BCL11B: variants seen among roughly 807,000 people sequenced by gnomAD.
The protein encoded by BCL11B is BCL11 transcription factor B.
In BCL11B, 8 loss-of-function variants were observed where a neutral mutation model predicts 49.9. The ratio of observed to expected loss-of-function variants is 0.16; its 90% confidence interval spans 0.09 to 0.29. The LOEUF is 0.29. BCL11B is among the 10% of genes least tolerant of loss of function. The pLI is 1.00. For synonymous variants in BCL11B, 739 were observed against 637.4 expected (o/e 1.16, Z -2.40); for missense variants, 1,006 against 1,351.0 (o/e 0.74, Z 4.00).
At position 99,192,633 on chromosome 14, in the gene BCL11B, A is replaced by G. The variant is rs940313174; in HGVS notation, c.641-16438T>C. Among the ~76,000 whole-genome samples the G allele has an allele frequency of 2.0e-5, 3 of 152,158 alleles. No individual in the cohort carries two copies. Among genetic ancestry groups the G allele is most frequent in the African/African-American group, 7.2e-5 (3 of 41,452 alleles). On this transcript the variant is annotated intron_variant, in intron 3 of 3. Transcript: ENST00000357195. The surrounding 1 kb of genome is among the most constrained non-coding windows in gnomAD (Gnocchi z 4.0). ...AGTTTGGATGGGAAGGGACATGGCA[A>G]CTTGGGAACCACACTGGGGCTGGGG...
chr14:99,192,127 C>G lies in BCL11B; in HGVS notation c.641-15932G>C, dbSNP rs1887049420. On this transcript the variant is annotated intron_variant, in intron 3 of 3. Transcript: ENST00000357195. The surrounding 1 kb of genome is among the most constrained non-coding windows in gnomAD (Gnocchi z 4.0). ...GATTCTTCTTAGTTGTAGAAACACTCCAAATCAGAAAGTCAATTTTTCCTC... is the reference window on the plus strand; with the variant it reads ...GATTCTTCTTAGTTGTAGAAACACTGCAAATCAGAAAGTCAATTTTTCCTC... 6.6e-6 allele frequency among the ~76,000 whole-genome samples: 1 copy of G among 152,190 alleles called. No individual in the cohort carries two copies. The highest frequency in any genetic ancestry group is 1.5e-5 in the Non-Finnish European group (1 of 68,038).
At chr14:99,236,576 G>C (rs1224603719) in intron 2 of BCL11B, among the ~76,000 whole-genome samples, 1 of 152,154 alleles carries the variant, frequency 6.6e-6, no homozygotes, top group Non-Finnish European at 1.5e-5. Flanking sequence ...TTCTAGGCTG[G>C]TCCAGAGGGA....
chr14:99,198,013 G>A (rs1013885384), intron 3 of BCL11B, among the ~76,000 whole-genome samples: 5 of 152,228 alleles, frequency 3.3e-5, no homozygotes, highest in African/African-American at 1.2e-4. Context: ...GACACGCGTG[G>A]GCTTAGTGTG....
At chr14:99,246,578 G>A (rs1323268551) in intron 2 of BCL11B, among the ~76,000 whole-genome samples, 1 of 152,226 alleles carries the variant, frequency 6.6e-6, no homozygotes, top group Non-Finnish European at 1.5e-5. Flanking sequence ...AAGTGTCCGC[G>A]CCGTGCCGGG....
Position 99,194,463 on chromosome 14 carries a change from C to T in BCL11B, c.641-18268G>A, listed in dbSNP as rs1309021208. ...TCTCGGCTTCTGCCCTGTGGGGCAC[C>T]CAGAACCCCATCCAGTGTTGCCCAT... On this transcript the variant is annotated intron_variant, in intron 3 of 3. Coordinates refer to ENST00000357195, the MANE Select transcript of BCL11B (RefSeq NM_138576.4). This position sits in a 1 kb window ranked among gnomAD's most constrained non-coding sequence, Gnocchi z 4.6. Among the ~76,000 whole-genome samples, 1 of 152,208 alleles carries T rather than the reference C, an allele frequency of 6.6e-6. No individual in the cohort carries two copies. The highest frequency in any genetic ancestry group is 1.9e-4 in the East Asian group (1 of 5,196).
intron 3 of BCL11B, among the ~76,000 whole-genome samples, chr14:99,186,451 C>T (rs1252191973): frequency 1.3e-5 from 2 of 152,102 alleles, no homozygotes; most frequent in African/African-American, 2.4e-5. Context: ...ACCTTGGAGG[C>T]GGAGGTTGCA....
chr14:99,174,442 G>A lies in BCL11B; in HGVS notation c.2394C>T (p.Cys798=), dbSNP rs368320673. Residue 798 remains cysteine (C), a synonymous_variant, in exon 4 of 4, where the codon TGC becomes TGT. Coordinates refer to ENST00000357195, the MANE Select transcript of BCL11B (RefSeq NM_138576.4). The stretch of plus-strand genomic sequence containing the variant: ...TCTTGAACACCTTGCCGCAGTACTC[G>A]CACGTGTCGCTGCGGCGGCCCTCCT... The part of the protein sequence containing the change: ...SSKEGRRSDT[C]EYCGKVFKNC... 8.6e-5 allele frequency: 138 copies of A among 1,611,344 alleles called. No individual in the cohort carries two copies. The highest frequency in any genetic ancestry group is 1.1e-4 in the Non-Finnish European group (131 of 1,179,412).
chr14:99,175,707 G>T lies in BCL11B; in HGVS notation c.1129C>A (p.Pro377Thr). The T allele has an allele frequency of 2.0e-6, 3 of 1,500,740 alleles. No homozygotes were observed. Among genetic ancestry groups the T allele is most frequent in the Non-Finnish European group, 2.6e-6 (3 of 1,140,724 alleles). 93.0% of individuals were successfully genotyped at this position (1,500,740 alleles called of 1,614,324 possible). A position where few individuals can be genotyped will look rare whatever the true frequency, so the allele number is the denominator to read the frequency against. Residue 377 changes from proline to threonine, a missense_variant, in exon 4 of 4, where the codon CCG becomes ACG. Around this residue, in one of 6 missense-constraint regions of BCL11B, gnomAD observed 97 missense variants for 81.5 expected, o/e 1.19. Transcript: ENST00000357195. ...LRELAGNSST[P>T]PPVSPGRGNP... ...CCGCGGCCCGGGGACACGGGCGGCG[G>T]CGTGGAGCTGTTGCCCGCCAGCTCG...
At position 99,232,914 on chromosome 14, in the gene BCL11B, G is replaced by GAGGTCAAAGCTT. The variant is rs1277127827; in HGVS notation, c.428-1358_428-1357insAAGCTTTGACCT. Among the ~76,000 whole-genome samples, 20 of 152,174 alleles carry GAGGTCAAAGCTT rather than the reference G, an allele frequency of 1.3e-4. No individual in the cohort carries two copies. The highest frequency in any genetic ancestry group is 2.9e-4 in the Non-Finnish European group (20 of 68,034). ...CCTGCTTAGGGATTGCAAGCTGTCAGTGTCCTGTCAAGAGGTCAAAGCTAA... is the reference window on the plus strand; with the variant it reads ...CCTGCTTAGGGATTGCAAGCTGTCAGAGGTCAAAGCTTTGTCCTGTCAAGAGGTCAAAGCTAA... On this transcript the variant is annotated intron_variant, in intron 2 of 3. Coordinates refer to ENST00000357195, the MANE Select transcript of BCL11B (RefSeq NM_138576.4). The surrounding 1 kb of genome is among the most constrained non-coding windows in gnomAD (Gnocchi z 5.1).
rs188861667 is a variant in BCL11B, at chr14:99,254,104, C to T, written c.427+3367G>A. ...ATTATCCCCATGTTGGACGCCCGCTCCCTCCTCTGGGGGCTGTTTACCTGG... is the reference window on the plus strand; with the variant it reads ...ATTATCCCCATGTTGGACGCCCGCTTCCTCCTCTGGGGGCTGTTTACCTGG... On this transcript the variant is annotated intron_variant, in intron 2 of 3. Coordinates refer to ENST00000357195, the MANE Select transcript of BCL11B (RefSeq NM_138576.4). Among the ~76,000 whole-genome samples, 45 of 152,332 alleles carry T rather than the reference C, an allele frequency of 3.0e-4. No homozygotes were observed. In the East Asian group the frequency reaches 8.3e-3, roughly 28 times the overall value.
chr14:99,234,745 C>A (rs1888439867), intron 2 of BCL11B, among the ~76,000 whole-genome samples: 1 of 151,006 alleles, frequency 6.6e-6, no homozygotes, highest in Non-Finnish European at 1.5e-5. Context: ...TCCAAGGCAT[C>A]ATCGCTGCCC....
chr14:99,237,623 G>C (rs1218462463), intron 2 of BCL11B, among the ~76,000 whole-genome samples: 4 of 152,162 alleles, frequency 2.6e-5, no homozygotes, highest in Admixed American at 2.6e-4. Flanking sequence ...TGTTGCCACG[G>C]GTTTTGGCTT....
chr14:99,245,272 G>A (rs1263995715), intron 2 of BCL11B, among the ~76,000 whole-genome samples: 1 of 152,238 alleles, frequency 6.6e-6, no homozygotes, highest in East Asian at 1.9e-4. Flanking sequence ...TATCCTAAGA[G>A]AAGTCAGGCT....
At chr14:99,211,970 C>T (rs182918692) in intron 3 of BCL11B, among the ~76,000 whole-genome samples, 2 of 152,252 alleles carry the variant, frequency 1.3e-5, no homozygotes, top group East Asian at 3.9e-4. Flanking sequence ...CCCACTCCCC[C>T]CTCCACACAT....
At chr14:99,229,119 AATGG>A (rs5810933) in intron 3 of BCL11B, among the ~76,000 whole-genome samples, 13,917 of 137,854 alleles carry the variant, frequency 0.1, 692 homozygotes, top group African/African-American at 0.12. Flanking sequence ...TACAGGGATG[AATGG>A]ATGGATGGAT....
chr14:99,221,829 T>C (rs1365489624), intron 3 of BCL11B, among the ~76,000 whole-genome samples: 2 of 152,214 alleles, frequency 1.3e-5, no homozygotes, highest in Non-Finnish European at 2.9e-5. Context: ...CGCAGTGAGT[T>C]CCTCTAGGGC....
At position 99,175,342 on chromosome 14, in the gene BCL11B, G is replaced by T; in HGVS notation, c.1494C>A (p.Pro498=). The T allele has an allele frequency of 6.4e-7, 1 of 1,558,110 alleles. No individual in the cohort carries two copies. Among genetic ancestry groups the T allele is most frequent in the East Asian group, 2.4e-5 (1 of 42,190 alleles). Residue 498 remains proline (P), a synonymous_variant, in exon 4 of 4, where the codon CCC becomes CCA. Transcript: ENST00000357195. The part of the protein sequence containing the change: ...SDDGLSAASS[P]EPGTSELAGE... ...CCGCCAGCTCGCTGGTGCCGGGCTC[G>T]GGGGAGCTGGCGGCCGAGAGCCCGT...
intron 2 of BCL11B, among the ~76,000 whole-genome samples, chr14:99,245,624 C>T (rs897484747): frequency 6.6e-6 from 1 of 152,204 alleles, no homozygotes; most frequent in African/African-American, 2.4e-5. Context: ...GAAGAGGGAT[C>T]CCCGTGCGCC....
At chr14:99,240,025 C>A (rs1414861322) in intron 2 of BCL11B, among the ~76,000 whole-genome samples, 1 of 152,170 alleles carries the variant, frequency 6.6e-6, no homozygotes, top group East Asian at 1.9e-4. Context: ...CAGATGGAGT[C>A]ATGGATATGA....
Sources: gnomAD v4.1 joint callset for allele counts (sites outside exome capture counted in the v4.1 genomes callset) on GRCh38, gnomAD v4.1.1 for gene constraint, gnomAD v4.1.1 regional missense constraint, Gnocchi (gnomAD v3.1) non-coding constraint, MANE v1.5 for transcripts, NCBI Gene and HGNC (gene_info 2026-07-23, HGNC 2026-07-21) for gene names.